Variants in TAFA1 observed in about 807,000 individuals in gnomAD.
TAFA1 encodes chemokine-like protein TAFA-1.
A neutral mutation model predicts 18.5 loss-of-function variants in TAFA1; 4 were observed. The observed-to-expected ratio is 0.22, with a 90% CI of 0.11 to 0.49. The LOEUF (loss-of-function observed/expected upper bound fraction) is 0.49, where lower values mean the gene tolerates loss of function less well. TAFA1 is among the 20% of genes least tolerant of loss of function. The pLI, the probability that TAFA1 is intolerant of heterozygous loss-of-function variation, is 0.98. For synonymous variants in TAFA1, 56 were observed against 55.2 expected, an observed-to-expected ratio of 1.01 and a Z score of -0.06; for missense variants, 147 against 169.0, an observed-to-expected ratio of 0.87 and a Z score of 0.72.
Position 68,082,876 on chromosome 3 carries a change from T to C in TAFA1, c.118+76132T>C, listed in dbSNP as rs114206313. ...CGGAGCTATCGAGTCCTGGTTGTCA[T>C]TACTAATTATGCTATTTGACATTGA... On this transcript the variant is annotated intron_variant, in intron 2 of 4. Coordinates refer to ENST00000478136, the MANE Select transcript of TAFA1 (RefSeq NM_213609.4). Among the ~76,000 whole-genome samples, 415 of 152,328 alleles carry C rather than the reference T, an allele frequency of 2.7e-3. 3 individuals are homozygous for C. The highest frequency in any genetic ancestry group is 9.6e-3 in the African/African-American group (399 of 41,574).
chr3:68,148,585 G>A (rs114356238), intron 2 of TAFA1, among the ~76,000 whole-genome samples: 2,660 of 152,262 alleles, frequency 0.017, 79 homozygotes, highest in African/African-American at 0.06. Context: ...TCAGAAAAGC[G>A]TTTGGCCTGT....
At chr3:68,174,545 G>A (rs78201189) in intron 2 of TAFA1, among the ~76,000 whole-genome samples, 6,191 of 152,256 alleles carry the variant, frequency 0.041, 149 homozygotes, top group Middle Eastern at 0.082. Context: ...TTTTAGCAGA[G>A]ACTGGCAGCA....
chr3:68,061,944 G>T (rs776236261), intron 2 of TAFA1, among the ~76,000 whole-genome samples: 1 of 152,086 alleles, frequency 6.6e-6, no homozygotes, highest in Non-Finnish European at 1.5e-5. Context: ...ATTGGGAAAT[G>T]TAGAAGTGAT....
intron 2 of TAFA1, among the ~76,000 whole-genome samples, chr3:68,015,842 A>T (rs1160632936): frequency 1.3e-5 from 2 of 152,206 alleles, no homozygotes; most frequent in Non-Finnish European, 2.9e-5. Context: ...TTAGTAAAAC[A>T]ACTGAGTTAT....
chr3:68,448,932 G>T (rs2071520076), intron 3 of TAFA1, among the ~76,000 whole-genome samples: 1 of 152,146 alleles, frequency 6.6e-6, no homozygotes, highest in African/African-American at 2.4e-5. Flanking sequence ...AACTGTTAGA[G>T]AAGCAGCCAC....
Position 68,222,637 on chromosome 3 carries a change from T to A in TAFA1, c.119-194643T>A, listed in dbSNP as rs567344131. Among the ~76,000 whole-genome samples, 5 of 152,268 alleles carry A rather than the reference T, an allele frequency of 3.3e-5. No homozygotes were observed. In the South Asian group the frequency reaches 1.0e-3, roughly 32 times the overall value. On this transcript the variant is annotated intron_variant, in intron 2 of 4. Coordinates refer to ENST00000478136, the MANE Select transcript of TAFA1 (RefSeq NM_213609.4). ...GGATCATCAACCATACTTCTTAATA[T>A]GTCTGTTTTTGGGGAGGGTGGAGAG...
At chr3:68,254,444 C>CT in intron 2 of TAFA1, among the ~76,000 whole-genome samples, 2 of 152,004 alleles carry the variant, frequency 1.3e-5, no homozygotes, top group East Asian at 1.9e-4. Context: ...TTTCAGAAGA[C>CT]TTTTTTAAAC....
chr3:68,296,937 G>T (rs2068218076), intron 2 of TAFA1, among the ~76,000 whole-genome samples: 1 of 152,166 alleles, frequency 6.6e-6, no homozygotes, highest in Non-Finnish European at 1.5e-5. Flanking sequence ...AATTGGAGAT[G>T]TCACAGAGGC....
intron 2 of TAFA1, among the ~76,000 whole-genome samples, chr3:68,235,738 A>C (rs984199682): frequency 6.6e-6 from 1 of 152,172 alleles, no homozygotes. Context: ...ACCTTGGTAC[A>C]TATATTGGTA....
At chr3:68,474,147 T>C (rs2072049490) in intron 3 of TAFA1, among the ~76,000 whole-genome samples, 1 of 151,852 alleles carries the variant, frequency 6.6e-6, no homozygotes, top group Non-Finnish European at 1.5e-5. Context: ...AACTGTTGTC[T>C]AACATCATAA....
chr3:68,078,905 C>G (rs1207852911), intron 2 of TAFA1, among the ~76,000 whole-genome samples: 1 of 152,180 alleles, frequency 6.6e-6, no homozygotes, highest in African/African-American at 2.4e-5. Flanking sequence ...CCTCCTTGTA[C>G]CTCTGGTAGA....
intron 2 of TAFA1, among the ~76,000 whole-genome samples, chr3:68,305,415 ATATATATATATATAT>A (rs2068392386): frequency 3.3e-5 from 1 of 29,878 alleles, no homozygotes; most frequent in Admixed American, 3.7e-4. Flanking sequence ...ATGACTATAT[ATATATATATATATAT>A]ATATATATAT....
At chr3:68,022,927 A>G (rs1013264439) in intron 2 of TAFA1, among the ~76,000 whole-genome samples, 84 of 144,618 alleles carry the variant, frequency 5.8e-4, no homozygotes, top group African/African-American at 1.9e-3. Flanking sequence ...ATATTATTTC[A>G]TTAATCCTTA....
At chr3:68,528,943 C>T (rs1312107820) in intron 3 of TAFA1, among the ~76,000 whole-genome samples, 2 of 152,010 alleles carry the variant, frequency 1.3e-5, no homozygotes, top group Admixed American at 6.6e-5. Flanking sequence ...TTACTGAATG[C>T]CCAGTACTCT....
chr3:68,480,505 C>T (rs1438006579), intron 3 of TAFA1, among the ~76,000 whole-genome samples: 8 of 152,182 alleles, frequency 5.3e-5, no homozygotes, highest in Non-Finnish European at 8.8e-5. Context: ...TCTGTTATAA[C>T]AGTGTCTTCT....
At chr3:68,512,393 T>C (rs113518085) in intron 3 of TAFA1, among the ~76,000 whole-genome samples, 1 of 152,106 alleles carries the variant, frequency 6.6e-6, no homozygotes, top group South Asian at 2.1e-4. Context: ...AGAAAATAGA[T>C]GCTGGTATTA....
intron 2 of TAFA1, among the ~76,000 whole-genome samples, chr3:68,294,526 C>T (rs1009433885): frequency 8.5e-5 from 13 of 152,140 alleles, no homozygotes; most frequent in African/African-American, 3.1e-4. Context: ...GATTAAGTCA[C>T]ATTTAGAGAA....
intron 2 of TAFA1, among the ~76,000 whole-genome samples, chr3:68,244,300 T>TTG (rs1273956377): frequency 1.3e-5 from 2 of 152,244 alleles, no homozygotes; most frequent in Non-Finnish European, 2.9e-5. Flanking sequence ...CATTAATTGG[T>TTG]TGTTGTTTTG....
chr3:68,544,441 GT>G lies in TAFA1; in HGVS notation c.385-42del. ...ATAATCACATTTCTTTGTGCCTTCA[GT>G]TTGCACTGTTCTCCCTGAAATGTCT... On this transcript the variant is annotated intron_variant, in intron 4 of 4. Coordinates refer to ENST00000478136, the MANE Select transcript of TAFA1 (RefSeq NM_213609.4). The G allele has an allele frequency of 1.9e-6, 3 of 1,604,774 alleles. No individual in the cohort carries two copies. The South Asian group carries it at 3.3e-5, about 18-fold the overall frequency.
Sources: allele counts gnomAD v4.1 joint callset (sites outside exome capture counted in the v4.1 genomes callset), GRCh38; gene constraint gnomAD v4.1.1; transcripts MANE v1.5; gene names NCBI Gene and HGNC (gene_info 2026-07-23, HGNC 2026-07-21).